NTM: variants seen among roughly 807,000 people sequenced by gnomAD.
NTM encodes the protein neurotrimin.
In NTM, 13 loss-of-function variants were observed where a neutral mutation model predicts 42.1. The observed-to-expected ratio is 0.31, with a 90% CI of 0.20 to 0.49. The LOEUF (loss-of-function observed/expected upper bound fraction) is 0.49, where lower values mean the gene tolerates loss of function less well. Ranked by LOEUF, NTM falls within the 20% of genes least tolerant of loss-of-function variation. The pLI is 0.99. For missense variants in NTM, 373 were observed against 452.8 expected, an observed-to-expected ratio of 0.82 and a Z score of 1.60; for synonymous variants, 187 against 179.2, an observed-to-expected ratio of 1.04 and a Z score of -0.35.
intron 2 of NTM, among the ~76,000 whole-genome samples, chr11:132,113,759 A>G (rs1411572840): frequency 1.3e-5 from 2 of 152,160 alleles, no homozygotes; most frequent in African/African-American, 4.8e-5. Flanking sequence ...CTCTTTCCAG[A>G]GTACAGTTGT....
intron 4 of NTM, among the ~76,000 whole-genome samples, chr11:132,253,009 G>A (rs186422310): frequency 2.0e-3 from 299 of 152,308 alleles, no homozygotes; most frequent in African/African-American, 6.9e-3. Context: ...CCGTCTTGCA[G>A]GATACTTAGA....
chr11:132,292,801 A>AAC (rs2094493767), intron 4 of NTM, among the ~76,000 whole-genome samples: 1 of 150,970 alleles, frequency 6.6e-6, no homozygotes, highest in Non-Finnish European at 1.5e-5. Context: ...AAAAAAAAAA[A>AAC]AAAAAAAAAA....
chr11:132,130,200 C>T (rs985369011), intron 2 of NTM, among the ~76,000 whole-genome samples: 3 of 152,098 alleles, frequency 2.0e-5, no homozygotes, highest in Non-Finnish European at 2.9e-5. Flanking sequence ...TGAAACCACT[C>T]GTATCTAGAA....
chr11:131,862,423 A>C (rs2046738371), intron 1 of NTM, among the ~76,000 whole-genome samples: 1 of 152,210 alleles, frequency 6.6e-6, no homozygotes. Context: ...TCCATGTTTC[A>C]GGTGGAAGTC....
intron 6 of NTM, 22 bp from the exon 7 acceptor site, chr11:132,314,527 CTTT>C (rs753087936): frequency 6.3e-7 from 1 of 1,595,760 alleles, no homozygotes; most frequent in Admixed American, 1.7e-5. Flanking sequence ...TTGTTTTCTT[CTTT>C]TTTGTCTTTT....
intron 2 of NTM, among the ~76,000 whole-genome samples, chr11:132,067,996 T>C (rs940465123): frequency 1.3e-5 from 2 of 152,222 alleles, no homozygotes; most frequent in African/African-American, 2.4e-5. Flanking sequence ...TAGGGATTCA[T>C]ATTATTAGAC....
At chr11:131,721,180 G>GT (rs890461783) in intron 1 of NTM, among the ~76,000 whole-genome samples, 4 of 151,958 alleles carry the variant, frequency 2.6e-5, no homozygotes, top group African/African-American at 9.7e-5. Flanking sequence ...GGAAACCAGA[G>GT]TAACTCAGCT....
intron 2 of NTM, among the ~76,000 whole-genome samples, chr11:131,913,153 C>T (rs536757090): frequency 1.3e-5 from 2 of 152,280 alleles, no homozygotes; most frequent in East Asian, 3.9e-4. Context: ...GCAGTGATTT[C>T]AGACTACTTA....
At chr11:131,931,441 A>T (rs1432312394) in intron 2 of NTM, among the ~76,000 whole-genome samples, 1 of 148,076 alleles carries the variant, frequency 6.8e-6, no homozygotes, top group African/African-American at 2.5e-5. Flanking sequence ...AGTGCCTCAA[A>T]AAAAAAAATA....
At chr11:131,614,907 C>T (rs879504417) in intron 1 of NTM, among the ~76,000 whole-genome samples, 4 of 152,240 alleles carry the variant, frequency 2.6e-5, no homozygotes, top group African/African-American at 4.8e-5. Flanking sequence ...TTGATTCCAG[C>T]TGTTTCTCTC....
intron 1 of NTM, among the ~76,000 whole-genome samples, chr11:131,375,283 T>C (rs552925033): frequency 1.2e-4 from 18 of 152,352 alleles, no homozygotes; most frequent in Admixed American, 5.2e-4. Flanking sequence ...AAACATGTGG[T>C]GCTAAGTGGA....
At chr11:131,678,485 G>C (rs2512902) in intron 1 of NTM, among the ~76,000 whole-genome samples, 112,490 of 151,836 alleles carry the variant, frequency 0.74, 41,830 homozygotes, top group East Asian at 0.8. Context: ...TCATGGCAGA[G>C]AAAGAGGAGC....
intron 4 of NTM, among the ~76,000 whole-genome samples, chr11:132,290,098 T>C (rs917225968): frequency 6.6e-6 from 1 of 152,220 alleles, no homozygotes; most frequent in Non-Finnish European, 1.5e-5. Flanking sequence ...CCTGCTATTG[T>C]TTAACCTTCA....
At chr11:132,185,032 A>C (rs900550711) in intron 3 of NTM, among the ~76,000 whole-genome samples, 1 of 152,288 alleles carries the variant, frequency 6.6e-6, no homozygotes, top group African/African-American at 2.4e-5. Context: ...TGGCATCCTT[A>C]TGAGGGTATT....
intron 1 of NTM, among the ~76,000 whole-genome samples, chr11:131,633,730 TCTCTCTCCCTCC>T (rs2063984032): frequency 7.7e-5 from 7 of 91,498 alleles, no homozygotes; most frequent in African/African-American, 3.3e-4. Context: ...TCTCTCTCTC[TCTCTCTCCCTCC>T]CTCTCTCTCC....
chr11:132,206,053 A>AT, intron 3 of NTM, among the ~76,000 whole-genome samples: 1 of 152,280 alleles, frequency 6.6e-6, no homozygotes, highest in South Asian at 2.1e-4. Flanking sequence ...TTTCCTGGGC[A>AT]TGGCTCTCCA....
intron 1 of NTM, among the ~76,000 whole-genome samples, chr11:131,542,410 G>A (rs1473908328): frequency 6.6e-6 from 1 of 152,170 alleles, no homozygotes; most frequent in Non-Finnish European, 1.5e-5. Flanking sequence ...CAGTGACAAT[G>A]TTAAGTGCCA....
intron 1 of NTM, among the ~76,000 whole-genome samples, chr11:131,590,280 G>T (rs979142168): frequency 6.6e-6 from 1 of 152,186 alleles, no homozygotes. Flanking sequence ...TTCCCATGGT[G>T]GGGGAGCAGG....
chr11:132,268,932 A>G (rs1443104922), intron 4 of NTM, among the ~76,000 whole-genome samples: 1 of 152,162 alleles, frequency 6.6e-6, no homozygotes, highest in Admixed American at 6.5e-5. Flanking sequence ...TGACCCAGAC[A>G]TGGTCAGTCA....
Sources: gnomAD v4.1 joint callset for allele counts (sites outside exome capture counted in the v4.1 genomes callset) on GRCh38, gnomAD v4.1.1 for gene constraint, MANE v1.5 for transcripts, NCBI Gene and HGNC (gene_info 2026-07-23, HGNC 2026-07-21) for gene names.